SGCD: variants seen among roughly 807,000 people sequenced by gnomAD.
SGCD encodes sarcoglycan delta.
SGCD carries 18 observed loss-of-function variants against 36.6 expected under a neutral mutation model. The observed-to-expected ratio is 0.49, with a 90% confidence interval of 0.34 to 0.73. The LOEUF is 0.73. Ranked by LOEUF, SGCD falls within the 30% of genes least tolerant of loss-of-function variation. SGCD has a pLI of 0.01. For missense variants in SGCD, 387 were observed against 346.7 expected (o/e 1.12, Z -0.92); for synonymous variants, 133 against 130.6 (o/e 1.02, Z -0.12).
intron 1 of SGCD, among the ~76,000 whole-genome samples, chr5:155,924,379 T>A (rs944807691): frequency 1.3e-5 from 2 of 152,206 alleles, no homozygotes; most frequent in Non-Finnish European, 2.9e-5. Context: ...AGAACTTTCA[T>A]CACAATGGAT....
intron 3 of SGCD, among the ~76,000 whole-genome samples, chr5:156,433,592 G>A (rs746539912): frequency 3.9e-5 from 6 of 152,160 alleles, no homozygotes; most frequent in Non-Finnish European, 5.9e-5. Flanking sequence ...TATTAGTGTG[G>A]CAATCATGTA....
At chr5:155,836,422 A>C in the SGCD span, among the ~76,000 whole-genome samples, 2 of 152,076 alleles carry the variant, frequency 1.3e-5, no homozygotes, top group Non-Finnish European at 2.9e-5. Context: ...CTTCAAGGAT[A>C]TAGGAAAGTT....
chr5:156,602,012 T>G (rs1004286324), intron 6 of SGCD, among the ~76,000 whole-genome samples: 10 of 152,178 alleles, frequency 6.6e-5, no homozygotes, highest in Non-Finnish European at 1.2e-4. Flanking sequence ...GGGATTGCAT[T>G]AAATCGGTAG....
At chr5:156,054,284 C>T (rs1025893958) in intron 1 of SGCD, among the ~76,000 whole-genome samples, 26 of 80,386 alleles carry the variant, frequency 3.2e-4, no homozygotes, top group African/African-American at 9.1e-4. Context: ...AACTTTCCTT[C>T]TTTTTTTTTT....
At chr5:156,545,540 C>G (rs1758536889) in intron 4 of SGCD, among the ~76,000 whole-genome samples, 1 of 152,086 alleles carries the variant, frequency 6.6e-6, no homozygotes, top group Admixed American at 6.6e-5. Context: ...CTCAGACCAT[C>G]AGGCACTAGA....
At chr5:156,551,805 G>T (rs973640901) in intron 4 of SGCD, among the ~76,000 whole-genome samples, 1 of 152,092 alleles carries the variant, frequency 6.6e-6, no homozygotes, top group Non-Finnish European at 1.5e-5. Flanking sequence ...TGACACAGAA[G>T]TTACTATTTC....
At chr5:155,996,432 G>C (rs1758546002) in intron 1 of SGCD, among the ~76,000 whole-genome samples, 1 of 152,070 alleles carries the variant, frequency 6.6e-6, no homozygotes, top group Admixed American at 6.5e-5. Flanking sequence ...TCCTGTATTT[G>C]CTTCTTAATA....
At chr5:156,610,062 G>T (rs142253475) in intron 6 of SGCD, among the ~76,000 whole-genome samples, 1 of 152,120 alleles carries the variant, frequency 6.6e-6, no homozygotes, top group Non-Finnish European at 1.5e-5. Flanking sequence ...GTCATTCTCC[G>T]TCTAGCTTTG....
intron 4 of SGCD, among the ~76,000 whole-genome samples, chr5:156,569,206 G>C (rs935270761): frequency 6.6e-6 from 1 of 152,148 alleles, no homozygotes; most frequent in Admixed American, 6.6e-5. Flanking sequence ...CCATGTACGA[G>C]ACACTTGTAT....
chr5:156,495,742 A>G (rs918755308), intron 3 of SGCD, among the ~76,000 whole-genome samples: 2 of 152,200 alleles, frequency 1.3e-5, no homozygotes, highest in African/African-American at 4.8e-5. Flanking sequence ...GCTTCTTAAG[A>G]TAAATGAGTC....
the SGCD span, among the ~76,000 whole-genome samples, chr5:155,738,190 C>A: frequency 6.6e-6 from 1 of 152,124 alleles, no homozygotes; most frequent in Non-Finnish European, 1.5e-5. Flanking sequence ...TCTGGAAACT[C>A]GGATGACTAC....
chr5:156,579,678 G>C (rs781368687), intron 4 of SGCD, among the ~76,000 whole-genome samples: 12 of 152,044 alleles, frequency 7.9e-5, no homozygotes, highest in Non-Finnish European at 1.6e-4. Context: ...GACCTTCTTT[G>C]TCTCTTTTAT....
chr5:155,778,416 C>T, the SGCD span, among the ~76,000 whole-genome samples: 99 of 152,266 alleles, frequency 6.5e-4, no homozygotes, highest in African/African-American at 2.2e-3. Flanking sequence ...GAAAAATTGT[C>T]TGTAATTGGA....
the SGCD span, among the ~76,000 whole-genome samples, chr5:155,734,085 TAA>T: frequency 2.9e-4 from 43 of 147,036 alleles, no homozygotes; most frequent in African/African-American, 1.1e-3. Flanking sequence ...TATTATTATA[TAA>T]TATAATAATA....
chr5:156,308,464 A>G (rs961218363), intron 3 of SGCD, among the ~76,000 whole-genome samples: 8 of 152,102 alleles, frequency 5.3e-5, no homozygotes, highest in African/African-American at 1.9e-4. Flanking sequence ...ACGCCTGGCT[A>G]ATTTTTTGTA....
In SGCD at chr5:156,505,161, C is replaced by G. The variant is rs186490247; in HGVS notation, c.193-3440C>G. Among the ~76,000 whole-genome samples the G allele has an allele frequency of 2.2e-3, 331 of 152,300 alleles. 2 individuals carry two copies. Among genetic ancestry groups the G allele is most frequent in the Non-Finnish European group, 2.5e-3 (171 of 68,030 alleles). On this transcript the variant is annotated intron_variant, in intron 3 of 8. Coordinates refer to ENST00000337851, the MANE Select transcript of SGCD (RefSeq NM_000337.6). ...GAGGGTTCGAGGTGCCTTTGGACAT[C>G]CGCATTGCCGTGTTTCCCTTTGTTG... is the stretch of plus-strand genomic sequence containing the variant.
intron 3 of SGCD, among the ~76,000 whole-genome samples, chr5:156,494,781 G>T (rs1191856128): frequency 6.6e-6 from 1 of 151,808 alleles, no homozygotes; most frequent in Non-Finnish European, 1.5e-5. Context: ...GTGTAGAGGG[G>T]GTGTGATTCA....
At chr5:155,735,489 C>A in the SGCD span, among the ~76,000 whole-genome samples, 17 of 152,170 alleles carry the variant, frequency 1.1e-4, no homozygotes, top group Admixed American at 5.9e-4. Flanking sequence ...GAAACTGAGG[C>A]TCAGAGGGGG....
intron 3 of SGCD, among the ~76,000 whole-genome samples, chr5:156,246,581 A>G (rs1765445502): frequency 6.6e-6 from 1 of 152,204 alleles, no homozygotes; most frequent in African/African-American, 2.4e-5. Flanking sequence ...TTTGAAGGCA[A>G]GTGTGGAAAC....
Sources: allele counts gnomAD v4.1 joint callset (sites outside exome capture counted in the v4.1 genomes callset), GRCh38; gene constraint gnomAD v4.1.1; transcripts MANE v1.5; gene names NCBI Gene and HGNC (gene_info 2026-07-23, HGNC 2026-07-21).